PIEZO2: variants seen among roughly 807,000 people sequenced by gnomAD.
PIEZO2 encodes piezo-type mechanosensitive ion channel component 2.
A neutral mutation model predicts 337.3 loss-of-function variants in PIEZO2; 172 were observed. The ratio of observed to expected loss-of-function variants is 0.51; its 90% CI spans 0.45 to 0.58. The LOEUF (loss-of-function observed/expected upper bound fraction) is 0.58, where lower values mean the gene tolerates loss of function less well. Ranked by LOEUF, PIEZO2 falls within the 20% of genes least tolerant of loss-of-function variation. The pLI, the probability that PIEZO2 is intolerant of heterozygous loss-of-function variation, is 0.00. For synonymous variants in PIEZO2, 1,251 were observed against 1,228.5 expected, an observed-to-expected ratio of 1.02 and a Z score of -0.38; for missense variants, 3,028 against 3,391.3, an observed-to-expected ratio of 0.89 and a Z score of 2.66.
Position 10,943,622 on chromosome 18 carries a change from G to T in PIEZO2, c.287-32394C>A, listed in dbSNP as rs1279796672. Among the ~76,000 whole-genome samples the T allele has an allele frequency of 6.6e-6, 1 of 152,190 alleles. No homozygotes were observed. Among genetic ancestry groups the T allele is most frequent in the African/African-American group, 2.4e-5 (1 of 41,438 alleles). ...CAGGCTCATAAGCAGGAAGGAACTTGCCTTGTCTTGGATAATACTTTGCAC... is the reference window on the plus strand; with the variant it reads ...CAGGCTCATAAGCAGGAAGGAACTTTCCTTGTCTTGGATAATACTTTGCAC... On this transcript the variant is annotated intron_variant, in intron 3 of 55. Coordinates refer to ENST00000674853, the MANE Select transcript of PIEZO2 (RefSeq NM_001378183.1). This position sits in a 1 kb window ranked among gnomAD's most constrained non-coding sequence, Gnocchi z 4.5.
At position 10,691,798 on chromosome 18, in the gene PIEZO2, TATAG is replaced by T. The variant is rs1249053864; in HGVS notation, c.7191-419_7191-416del. ...ACACACACACATATATATATATATA[TATAG>T]AGAGAGAGAGAGAGGATCCATTTGG... is the stretch of plus-strand genomic sequence containing the variant. On this transcript the variant is annotated intron_variant, in intron 47 of 55. Coordinates refer to ENST00000674853, the MANE Select transcript of PIEZO2 (RefSeq NM_001378183.1). Among the ~76,000 whole-genome samples the T allele has an allele frequency of 6.4e-3, 477 of 73,974 alleles. 15 individuals are homozygous for T. The highest frequency in any genetic ancestry group is 0.019 in the African/African-American group (337 of 18,086). 48.5% of individuals were successfully genotyped at this position (73,974 alleles called of 152,430 possible).
rs1338089945 is a variant in PIEZO2 at position 11,051,374 on chromosome 18, TGG to T, written c.160+14751_160+14752del. Among the ~76,000 whole-genome samples, 307 of 151,668 alleles carry T rather than the reference TGG, an allele frequency of 2.0e-3. 1 individual carries two copies. Among genetic ancestry groups the T allele is most frequent in the African/African-American group, 4.8e-3 (200 of 41,258 alleles). On this transcript the variant is annotated intron_variant, in intron 2 of 55. Transcript: ENST00000674853. ...GTGTGTGTGTGTGTGTGTGTGGGTG[TGG>T]GTGTGGGTGTGGGTGTAACATAAAC...
Position 11,031,487 on chromosome 18 carries a change from A to G in PIEZO2, c.160+34640T>C, listed in dbSNP as rs1448218072. 6.6e-6 allele frequency among the ~76,000 whole-genome samples: 1 copy of G among 152,230 alleles called. No homozygotes were observed. Among genetic ancestry groups the G allele is most frequent in the African/African-American group, 2.4e-5 (1 of 41,464 alleles). ...ATTTTGGTTTAGTTATTTCTTCAAAATAGCTGAATTTTATAACACTGGAAC... is the reference window on the plus strand; with the variant it reads ...ATTTTGGTTTAGTTATTTCTTCAAAGTAGCTGAATTTTATAACACTGGAAC... On this transcript the variant is annotated intron_variant, in intron 2 of 55. Transcript: ENST00000674853. The surrounding 1 kb of genome is among the most constrained non-coding windows in gnomAD (Gnocchi z 4.7).
intron 30 of PIEZO2, among the ~76,000 whole-genome samples, chr18:10,747,248 A>C (rs1333728289): frequency 6.6e-6 from 1 of 152,216 alleles, no homozygotes; most frequent in Non-Finnish European, 1.5e-5. Context: ...TGGGCAAAGA[A>C]AGAGGTTGCA....
intron 1 of PIEZO2, among the ~76,000 whole-genome samples, chr18:11,107,698 C>G (rs1000572144): frequency 1.1e-4 from 16 of 152,212 alleles, no homozygotes; most frequent in Admixed American, 3.9e-4. Context: ...TCAAGGAGGC[C>G]ACTACGAATC....
chr18:11,112,718 G>T lies in PIEZO2; in HGVS notation c.64+35807C>A, dbSNP rs2039772200. Reference sequence around the variant, plus strand: ...GAAAATAATGCAAGTGACACCTGGTGTTCTACTGTCTATTGAGAAATGCAT... The same window carrying T: ...GAAAATAATGCAAGTGACACCTGGTTTTCTACTGTCTATTGAGAAATGCAT... On this transcript the variant is annotated intron_variant, in intron 1 of 55. Transcript: ENST00000674853. The surrounding 1 kb of genome is among the most constrained non-coding windows in gnomAD (Gnocchi z 4.3). Among the ~76,000 whole-genome samples the T allele has an allele frequency of 6.6e-6, 1 of 152,206 alleles. No individual in the cohort carries two copies. Among genetic ancestry groups the T allele is most frequent in the Admixed American group, 6.5e-5 (1 of 15,288 alleles).
At chr18:11,086,332 A>C (rs1210513527) in intron 1 of PIEZO2, among the ~76,000 whole-genome samples, 1 of 152,050 alleles carries the variant, frequency 6.6e-6, no homozygotes, top group Non-Finnish European at 1.5e-5. Flanking sequence ...CATCCTGGCT[A>C]ACACGGTGAA....
At chr18:11,107,219 A>T (rs2039596354) in intron 1 of PIEZO2, among the ~76,000 whole-genome samples, 3 of 152,168 alleles carry the variant, frequency 2.0e-5, no homozygotes, top group Non-Finnish European at 1.5e-5. Flanking sequence ...AAATGTACGT[A>T]AAGGACTTAG....
At chr18:11,019,488 C>G (rs1337820978) in intron 2 of PIEZO2, among the ~76,000 whole-genome samples, 1 of 152,200 alleles carries the variant, frequency 6.6e-6, no homozygotes, top group Non-Finnish European at 1.5e-5. Flanking sequence ...AAACTCATCT[C>G]CAATTCTCAG....
intron 1 of PIEZO2, among the ~76,000 whole-genome samples, chr18:11,067,434 A>C (rs2038189516): frequency 1.3e-5 from 2 of 152,248 alleles, no homozygotes; most frequent in African/African-American, 4.8e-5. Context: ...TTCTCCAATC[A>C]AAAGACATAG....
intron 2 of PIEZO2, among the ~76,000 whole-genome samples, chr18:11,040,786 T>G (rs918840197): frequency 6.6e-6 from 1 of 152,206 alleles, no homozygotes; most frequent in Non-Finnish European, 1.5e-5. Context: ...TTCTTCCCAA[T>G]AAATTTGATT....
At chr18:10,805,204 T>C (rs2039959705) in intron 8 of PIEZO2, among the ~76,000 whole-genome samples, 1 of 152,206 alleles carries the variant, frequency 6.6e-6, no homozygotes, top group African/African-American at 2.4e-5. Context: ...GTAATTTCCA[T>C]AATGTATAAG....
rs574893926 is a variant in PIEZO2, at chr18:10,940,353, G to C, written c.287-29125C>G. ...AGTTAAGTACAGTGATTCTGTAAAA[G>C]TACTGGGTCTAGATACTGATTTCAC... is the stretch of plus-strand genomic sequence containing the variant. On this transcript the variant is annotated intron_variant, in intron 3 of 55. Coordinates refer to ENST00000674853, the MANE Select transcript of PIEZO2 (RefSeq NM_001378183.1). The surrounding 1 kb of genome is among the most constrained non-coding windows in gnomAD (Gnocchi z 5.3). Among the ~76,000 whole-genome samples the C allele has an allele frequency of 2.6e-4, 39 of 152,254 alleles. No individual in the cohort carries two copies. The highest frequency in any genetic ancestry group is 8.9e-4 in the African/African-American group (37 of 41,548).
At position 10,724,950 on chromosome 18, in the gene PIEZO2, C is replaced by T. The variant is rs2036471464; in HGVS notation, c.5029+6457G>A. 5.6e-6 allele frequency: 9 copies of T among 1,593,238 alleles called. No individual in the cohort carries two copies. Among genetic ancestry groups the T allele is most frequent in the Middle Eastern group, 4.4e-4 (2 of 4,572 alleles). ...GACGGCGATGGAACCCAGGTGGGCG[C>T]ACCCTGCGGCCTGCAGCCTCCCTGC... On this transcript the variant is annotated intron_variant, in intron 36 of 55. Coordinates refer to ENST00000674853, the MANE Select transcript of PIEZO2 (RefSeq NM_001378183.1). This position sits in a 1 kb window ranked among gnomAD's most constrained non-coding sequence, Gnocchi z 5.8.
intron 3 of PIEZO2, among the ~76,000 whole-genome samples, chr18:10,936,318 A>C (rs962292959): frequency 2.6e-5 from 4 of 152,228 alleles, no homozygotes; most frequent in African/African-American, 9.6e-5. Context: ...TTTACAGCTC[A>C]TAAACCTTCA....
intron 16 of PIEZO2, 97 bp downstream of exon 16, chr18:10,786,939 G>T (rs2144132815): frequency 1.7e-6 from 2 of 1,169,476 alleles, no homozygotes; most frequent in Middle Eastern, 2.6e-4. Context: ...AGACATTGAT[G>T]ACATCATGCT....
chr18:10,763,818 G>A (rs750561961), intron 21 of PIEZO2, among the ~76,000 whole-genome samples: 18 of 152,292 alleles, frequency 1.2e-4, no homozygotes, highest in Non-Finnish European at 1.3e-4. Context: ...CACGTGCCGC[G>A]GCAATAGCCC....
At position 10,784,646 on chromosome 18, in the gene PIEZO2, C is replaced by A. The variant is rs373702744; in HGVS notation, c.2492+138G>T. On this transcript the variant is annotated intron_variant, in intron 17 of 55. Coordinates refer to ENST00000674853, the MANE Select transcript of PIEZO2 (RefSeq NM_001378183.1). The surrounding 1 kb of genome is among the most constrained non-coding windows in gnomAD (Gnocchi z 4.5). The stretch of plus-strand genomic sequence containing the variant: ...ATCTTCCACATGTTTTCCTCTTTTT[C>A]TCACAAGCTGATACTCATGGAAAAT... 5.6e-5 allele frequency: 45 copies of A among 800,916 alleles called. No homozygotes were observed. In the East Asian group the frequency reaches 7.4e-4, roughly 13 times the overall value. The allele number at this position is 800,916 out of a possible 1,614,324, so 49.6% of individuals were successfully genotyped here. A position where few individuals can be genotyped will look rare whatever the true frequency, so the allele number is the denominator to read the frequency against.
At chr18:10,737,431 G>A (rs935358597) in intron 33 of PIEZO2, among the ~76,000 whole-genome samples, 5 of 152,280 alleles carry the variant, frequency 3.3e-5, no homozygotes, top group South Asian at 4.1e-4. Flanking sequence ...TCCACGTGTC[G>A]TAGCCCTAAG....
Sources: allele counts gnomAD v4.1 joint callset (sites outside exome capture counted in the v4.1 genomes callset), GRCh38; gene constraint gnomAD v4.1.1; non-coding constraint Gnocchi (gnomAD v3.1); transcripts MANE v1.5; gene names NCBI Gene and HGNC (gene_info 2026-07-23, HGNC 2026-07-21).